The following BAZ1B variants were observed in gnomAD, a reference collection of about 807,000 sequenced individuals.
BAZ1B encodes the protein bromodomain adjacent to zinc finger domain 1B, also known as tyrosine-protein kinase BAZ1B.
BAZ1B carries 22 observed loss-of-function variants against 153.8 expected under a neutral mutation model. The ratio of observed to expected loss-of-function variants is 0.14; its 90% CI spans 0.10 to 0.20. The LOEUF (loss-of-function observed/expected upper bound fraction) is 0.20, where lower values mean the gene tolerates loss of function less well. BAZ1B is among the 10% of genes least tolerant of loss of function. The pLI is 1.00. For missense variants in BAZ1B, 1,325 were observed against 1,799.3 expected (o/e 0.74, Z 4.77); for synonymous variants, 676 against 633.4 (o/e 1.07, Z -1.01).
At chr7:73,467,244 A>C (rs1282174987) in intron 9 of BAZ1B, among the ~76,000 whole-genome samples, 1 of 152,016 alleles carries the variant, frequency 6.6e-6, no homozygotes, top group East Asian at 1.9e-4. Flanking sequence ...TCACCACAAT[A>C]TTTGAAGCCT....
chr7:73,480,134 G>C (rs1789146855), intron 6 of BAZ1B, among the ~76,000 whole-genome samples: 1 of 151,510 alleles, frequency 6.6e-6, no homozygotes, highest in Non-Finnish European at 1.5e-5. Context: ...CTCCAGCTTG[G>C]GCGATGGAGC....
chr7:73,520,592 G>A (rs1041059825), intron 1 of BAZ1B, among the ~76,000 whole-genome samples: 13 of 152,104 alleles, frequency 8.5e-5, no homozygotes, highest in Admixed American at 7.9e-4. Flanking sequence ...AGATGCTACA[G>A]CTCTATTTCT....
At chr7:73,486,993 T>A (rs1234046775) in intron 6 of BAZ1B, among the ~76,000 whole-genome samples, 5 of 152,364 alleles carry the variant, frequency 3.3e-5, no homozygotes, top group African/African-American at 1.2e-4. Flanking sequence ...AAGAAATTAT[T>A]GTTTAAGGTA....
rs936103385 is a variant in BAZ1B, at chr7:73,502,161, T to C, written c.370-3463A>G. ...GCCTCGGCCTCCCAAAGTGCTGGGA[T>C]TACAGGTGTGAGCCACCGCACCTGG... On this transcript the variant is annotated intron_variant, in intron 3 of 19. Transcript: ENST00000339594. Among the ~76,000 whole-genome samples, 3 of 151,968 alleles carry C rather than the reference T, an allele frequency of 2.0e-5. No individual in the cohort carries two copies. The East Asian group carries it at 5.8e-4, about 29-fold the overall frequency.
chr7:73,468,515 TTTTA>T (rs1175888969), intron 9 of BAZ1B, among the ~76,000 whole-genome samples: 3 of 152,160 alleles, frequency 2.0e-5, no homozygotes, highest in Non-Finnish European at 4.4e-5. Context: ...TTAAAATTTG[TTTTA>T]TTTCTTTCTT....
At chr7:73,473,905 C>CAG (rs1554572407) in intron 7 of BAZ1B, among the ~76,000 whole-genome samples, 2 of 152,204 alleles carry the variant, frequency 1.3e-5, no homozygotes, top group African/African-American at 4.8e-5. Flanking sequence ...GTCAAGGCTG[C>CAG]AGTGAGCTGA....
chr7:73,484,408 G>A (rs1288894345), intron 6 of BAZ1B, among the ~76,000 whole-genome samples: 7 of 152,110 alleles, frequency 4.6e-5, no homozygotes, highest in Admixed American at 2.6e-4. Context: ...GGGTCGAGGC[G>A]GGGAAGGATT....
In BAZ1B at chr7:73,521,832, G is replaced by A; in HGVS notation, c.102C>T (p.Thr34=). Reference sequence around the variant, plus strand: ...GCGCGGCTGGAAAAGGATACTCCCGGGTGCGGAAGGCCTCCTGAGTGTGCG... The same window carrying A: ...GCGCGGCTGGAAAAGGATACTCCCGAGTGCGGAAGGCCTCCTGAGTGTGCG... ...TIPHTQEAFR[T]REEYEARLER... The change falls in exon 1 of 20, where the codon ACC becomes ACT. Residue 34 remains threonine, a synonymous_variant. Coordinates refer to ENST00000339594, the MANE Select transcript of BAZ1B (RefSeq NM_032408.4). The A allele has an allele frequency of 6.7e-7, 1 of 1,498,764 alleles. No individual in the cohort carries two copies. The highest frequency in any genetic ancestry group is 8.9e-7 in the Non-Finnish European group (1 of 1,119,136). The allele number at this position is 1,498,764 out of a possible 1,614,324, so 92.8% of individuals were successfully genotyped here.
chr7:73,477,334 G>C lies in BAZ1B; in HGVS notation c.2127C>G (p.Asp709Glu). ...CAGCTGAATCTTTATTGTCATCTGT[G>C]TCTGAGCCCTCGCTTTCCTCCTGAA... ...SDVQEESEGS[D>E]TDDNKDSAAF... The change falls in exon 7 of 20, where the codon GAC becomes GAG. Residue 709 changes from aspartate (D) to glutamate (E), a missense_variant. Physicochemically the swap from Asp to Glu is conservative, Grantham distance 45 (BLOSUM62 2). This residue lies in a region of BAZ1B where 431 missense variants were observed against 563.5 expected (regional missense o/e 0.76). Coordinates refer to ENST00000339594, the MANE Select transcript of BAZ1B (RefSeq NM_032408.4). The surrounding 1 kb of genome is among the most constrained non-coding windows in gnomAD (Gnocchi z 5.6). The C allele has an allele frequency of 6.2e-7, 1 of 1,614,216 alleles. No individual in the cohort carries two copies. Among genetic ancestry groups the C allele is most frequent in the South Asian group, 1.1e-5 (1 of 91,084 alleles).
intron 3 of BAZ1B, among the ~76,000 whole-genome samples, chr7:73,504,878 A>G (rs1319057847): frequency 3.3e-5 from 5 of 152,210 alleles, no homozygotes; most frequent in Non-Finnish European, 7.3e-5. Context: ...GCCAGACATG[A>G]CAAATAAAAA....
intron 1 of BAZ1B, among the ~76,000 whole-genome samples, chr7:73,511,062 A>ATCG (rs2115567035): frequency 6.6e-6 from 1 of 152,136 alleles, no homozygotes; most frequent in East Asian, 1.9e-4. Context: ...ACGAGGTCAG[A>ATCG]TCGAGACCAG....
intron 1 of BAZ1B, 142 bp from the exon 2 acceptor site, chr7:73,510,994 G>A (rs540344538): frequency 3.1e-5 from 21 of 684,174 alleles, no homozygotes; most frequent in East Asian, 8.5e-5. Context: ...ATTGGAGGCC[G>A]GGCGCAGTGG....
chr7:73,489,915 C>T lies in BAZ1B; in HGVS notation c.694-524G>A, dbSNP rs753803526. Reference sequence around the variant, plus strand: ...TGTATACCCTTTCAGCAATTCCTCTCGTTAAGAATTTATCTTAGGAAGTAA... The same window carrying T: ...TGTATACCCTTTCAGCAATTCCTCTTGTTAAGAATTTATCTTAGGAAGTAA... On this transcript the variant is annotated intron_variant, in intron 5 of 19. Coordinates refer to ENST00000339594, the MANE Select transcript of BAZ1B (RefSeq NM_032408.4). Among the ~76,000 whole-genome samples the T allele has an allele frequency of 1.0e-3, 153 of 152,126 alleles. 11 individuals carry two copies. The highest frequency in any genetic ancestry group is 2.8e-4 in the Non-Finnish European group (19 of 68,022).
intron 5 of BAZ1B, 74 bp from the exon 6 acceptor site, chr7:73,489,465 G>A (rs1266249437): frequency 1.5e-5 from 22 of 1,482,942 alleles, no homozygotes; most frequent in Non-Finnish European, 2.0e-5. Flanking sequence ...AGCAATATAC[G>A]TTCTCTCCAG....
chr7:73,442,136 T>TACCCAA, intron 19 of BAZ1B, 45 bp downstream of exon 19: 1 of 573,492 alleles, frequency 1.7e-6, no homozygotes, highest in Non-Finnish European at 3.2e-6. Context: ...CTCGCTCGCC[T>TACCCAA]CCCTCCCACC....
intron 6 of BAZ1B, among the ~76,000 whole-genome samples, chr7:73,488,293 G>C (rs1789494834): frequency 6.6e-6 from 1 of 152,124 alleles, no homozygotes. Context: ...AGAAATCCTA[G>C]GCCAGTGTCT....
chr7:73,474,869 A>G (rs1490199002), intron 7 of BAZ1B, among the ~76,000 whole-genome samples: 1 of 152,234 alleles, frequency 6.6e-6, no homozygotes, highest in Non-Finnish European at 1.5e-5. Flanking sequence ...ATATATACAG[A>G]ACTCTTACAA....
intron 7 of BAZ1B, among the ~76,000 whole-genome samples, chr7:73,475,183 T>C (rs782713406): frequency 4.6e-5 from 7 of 152,338 alleles, no homozygotes; most frequent in African/African-American, 7.2e-5. Flanking sequence ...TCTCAGATGG[T>C]TAAACATAAT....
Position 73,462,385 on chromosome 7 carries a change from A to G in BAZ1B, c.3249+537T>C, listed in dbSNP as rs186280657. ...AGTAATTGATGGATACTATTCACCA[A>G]TCTTTGATACCTAAACCTACCTGTT... On this transcript the variant is annotated intron_variant, in intron 12 of 19. Coordinates refer to ENST00000339594, the MANE Select transcript of BAZ1B (RefSeq NM_032408.4). 41 of 158,026 alleles carry G rather than the reference A, an allele frequency of 2.6e-4. No individual in the cohort carries two copies. The South Asian group carries it at 4.5e-3, about 17-fold the overall frequency. 9.8% of individuals were successfully genotyped at this position (158,026 alleles called of 1,614,324 possible).
Sources: allele counts gnomAD v4.1 joint callset (sites outside exome capture counted in the v4.1 genomes callset), GRCh38; gene constraint gnomAD v4.1.1; regional missense constraint gnomAD v4.1.1; non-coding constraint Gnocchi (gnomAD v3.1); transcripts MANE v1.5; gene names NCBI Gene and HGNC (gene_info 2026-07-23, HGNC 2026-07-21).